PTPN12: variants seen among roughly 807,000 people sequenced by gnomAD.
The protein encoded by PTPN12 is protein tyrosine phosphatase non-receptor type 12, also known as tyrosine-protein phosphatase non-receptor type 12.
In PTPN12, 29 loss-of-function variants were observed where a neutral mutation model predicts 97.6. The ratio of observed to expected loss-of-function variants is 0.30; its 90% CI spans 0.22 to 0.41. The LOEUF is 0.41. PTPN12 is among the 10% of genes least tolerant of loss of function. PTPN12 has a pLI of 1.00. For synonymous variants in PTPN12, 327 were observed against 300.4 expected (o/e 1.09, Z -0.91); for missense variants, 819 against 926.0 (o/e 0.88, Z 1.50).
intron 6 of PTPN12, among the ~76,000 whole-genome samples, chr7:77,596,001 A>G (rs1456169215): frequency 1.3e-5 from 2 of 152,170 alleles, no homozygotes; most frequent in Non-Finnish European, 2.9e-5. Flanking sequence ...TATCCAGTTA[A>G]TTGAAACTTG....
At chr7:77,588,753 A>G (rs1381818154) in intron 5 of PTPN12, among the ~76,000 whole-genome samples, 1 of 152,216 alleles carries the variant, frequency 6.6e-6, no homozygotes, top group Non-Finnish European at 1.5e-5. Flanking sequence ...TGTTGTAACT[A>G]GAATGCTATC....
chr7:77,629,190 C>T (rs571100494), intron 13 of PTPN12, among the ~76,000 whole-genome samples: 1 of 152,278 alleles, frequency 6.6e-6, no homozygotes, highest in Non-Finnish European at 1.5e-5. Flanking sequence ...ACCTCGTGAT[C>T]CGCCCACCTC....
At chr7:77,636,738 G>GAT (rs1343778351) in intron 15 of PTPN12, 1 of 256,258 alleles carries the variant, frequency 3.9e-6, no homozygotes, top group African/African-American at 2.2e-5. Flanking sequence ...ATACAATAAT[G>GAT]ATATAATTAG....
At chr7:77,573,350 T>TA (rs1351569873) in intron 2 of PTPN12, among the ~76,000 whole-genome samples, 1 of 152,156 alleles carries the variant, frequency 6.6e-6, no homozygotes, top group Non-Finnish European at 1.5e-5. Flanking sequence ...CACCAGCAGA[T>TA]ATGCTGTCTA....
chr7:77,598,363 C>T (rs1788087152), intron 7 of PTPN12, among the ~76,000 whole-genome samples: 1 of 152,096 alleles, frequency 6.6e-6, no homozygotes. Context: ...CCCATGTAAG[C>T]TGCACATGTA....
chr7:77,569,195 T>C (rs1429800871), intron 1 of PTPN12, among the ~76,000 whole-genome samples: 2 of 152,242 alleles, frequency 1.3e-5, no homozygotes, highest in South Asian at 2.1e-4. Context: ...AGAGATGATA[T>C]ATGCATATGT....
chr7:77,602,957 G>T (rs901707789), intron 8 of PTPN12, among the ~76,000 whole-genome samples: 1 of 152,110 alleles, frequency 6.6e-6, no homozygotes, highest in African/African-American at 2.4e-5. Context: ...TTTCAGTGGA[G>T]TTGAAGCATT....
At chr7:77,575,332 C>T (rs1362267223) in intron 2 of PTPN12, among the ~76,000 whole-genome samples, 3 of 151,772 alleles carry the variant, frequency 2.0e-5, no homozygotes, top group South Asian at 2.1e-4. Context: ...CACACACGCA[C>T]GCACGCACGC....
chr7:77,610,701 G>A, intron 9 of PTPN12, 64 bp from the exon 10 acceptor site: 1 of 1,474,358 alleles, frequency 6.8e-7, no homozygotes, highest in South Asian at 1.2e-5. Context: ...GTGAAAAGCT[G>A]AAGAAGATTT....
chr7:77,605,031 T>G (rs919163456), intron 8 of PTPN12: 4 of 176,232 alleles, frequency 2.3e-5, no homozygotes, highest in African/African-American at 9.6e-5. Context: ...CTTTTAACTA[T>G]CAAATTTTAG....
At chr7:77,630,732 A>G (rs1789370073) in intron 13 of PTPN12, among the ~76,000 whole-genome samples, 1 of 152,204 alleles carries the variant, frequency 6.6e-6, no homozygotes. Flanking sequence ...ATTCTTAGCT[A>G]TCAATTCTAA....
chr7:77,555,788 G>A (rs967506694), intron 1 of PTPN12, among the ~76,000 whole-genome samples: 16 of 151,886 alleles, frequency 1.1e-4, no homozygotes, highest in African/African-American at 3.1e-4. Context: ...GGTGGTGGGC[G>A]CCTGTAGTCC....
chr7:77,578,054 C>T (rs1241894321), intron 2 of PTPN12, among the ~76,000 whole-genome samples: 1 of 152,176 alleles, frequency 6.6e-6, no homozygotes, highest in Non-Finnish European at 1.5e-5. Flanking sequence ...CTGCATGTAG[C>T]CAGCCTGGCA....
chr7:77,566,643 GAGCCCAGGAGTTT>G (rs1482994722), intron 1 of PTPN12, among the ~76,000 whole-genome samples: 1 of 152,170 alleles, frequency 6.6e-6, no homozygotes, highest in African/African-American at 2.4e-5. Flanking sequence ...AGAATCACCT[GAGCCCAGGAGTTT>G]AAGACTGCAG....
At chr7:77,552,851 T>C (rs1370538413) in intron 1 of PTPN12, among the ~76,000 whole-genome samples, 8 of 152,232 alleles carry the variant, frequency 5.3e-5, no homozygotes, top group African/African-American at 1.7e-4. Context: ...CAATCTTAGC[T>C]TCTTTATCGT....
intron 1 of PTPN12, among the ~76,000 whole-genome samples, chr7:77,567,307 A>T (rs544403339): frequency 4.5e-4 from 68 of 152,228 alleles, no homozygotes; most frequent in Middle Eastern, 3.4e-3. Flanking sequence ...CTCTTTATAT[A>T]TTTATCATAA....
chr7:77,563,003 A>G (rs1477501386), intron 1 of PTPN12, among the ~76,000 whole-genome samples: 3 of 148,970 alleles, frequency 2.0e-5, no homozygotes, highest in Non-Finnish European at 4.4e-5. Flanking sequence ...ACATTTTTTC[A>G]TTTAGTTTAT....
intron 4 of PTPN12, among the ~76,000 whole-genome samples, chr7:77,584,731 G>A (rs142430080): frequency 0.018 from 2,785 of 152,188 alleles, 34 homozygotes; most frequent in Middle Eastern, 0.071. Context: ...CAAAAAATTA[G>A]CTGGACGTGG....
intron 1 of PTPN12, among the ~76,000 whole-genome samples, chr7:77,554,842 C>G (rs1807632141): frequency 6.6e-6 from 1 of 152,052 alleles, no homozygotes; most frequent in Non-Finnish European, 1.5e-5. Context: ...GCCATACTCA[C>G]TTAAGTTTTT....
Sources: gnomAD v4.1 joint callset for allele counts (sites outside exome capture counted in the v4.1 genomes callset) on GRCh38, gnomAD v4.1.1 for gene constraint, MANE v1.5 for transcripts, NCBI Gene and HGNC (gene_info 2026-07-23, HGNC 2026-07-21) for gene names.